DSCAM: variants seen among roughly 807,000 people sequenced by gnomAD.
The protein encoded by DSCAM is DS cell adhesion molecule.
A neutral mutation model predicts 217.7 loss-of-function variants in DSCAM; 47 were observed. That is an observed-to-expected ratio of 0.22 (90% CI 0.17 to 0.28). The LOEUF (loss-of-function observed/expected upper bound fraction) is 0.28. DSCAM is among the 10% of genes least tolerant of loss of function. DSCAM has a pLI of 1.00. For synonymous variants in DSCAM, 1,056 were observed against 1,015.3 expected (o/e 1.04, Z -0.76); for missense variants, 2,080 against 2,618.3 (o/e 0.79, Z 4.49).
At chr21:40,507,227 A>C (rs893949127) in intron 3 of DSCAM, among the ~76,000 whole-genome samples, 6 of 152,140 alleles carry the variant, frequency 3.9e-5, no homozygotes, top group Non-Finnish European at 8.8e-5. Context: ...CAGTGAGCCG[A>C]GATCACGTCA....
At chr21:40,073,289 T>C (rs2089321821) in intron 27 of DSCAM, among the ~76,000 whole-genome samples, 1 of 152,144 alleles carries the variant, frequency 6.6e-6, no homozygotes, top group Admixed American at 6.5e-5. Flanking sequence ...ACCTAGATGC[T>C]TAACTCTTGT....
chr21:40,330,512 T>G (rs1185637308), intron 8 of DSCAM, among the ~76,000 whole-genome samples: 2 of 151,578 alleles, frequency 1.3e-5, no homozygotes, highest in Non-Finnish European at 2.9e-5. Context: ...ATAAAACACT[T>G]AATAAAATGC....
chr21:40,068,091 G>A lies in DSCAM; in HGVS notation c.4889-5192C>T, dbSNP rs147501698. 3.2e-4 allele frequency among the ~76,000 whole-genome samples: 48 copies of A among 152,140 alleles called. No individual in the cohort carries two copies. In the East Asian group the frequency reaches 9.3e-3, roughly 29 times the overall value. Reference sequence around the variant, plus strand: ...GGGCTCCTCCCTTATCTGTTGGGCTGGGAAATGATGGAGAAATGATACCAG... The same window carrying A: ...GGGCTCCTCCCTTATCTGTTGGGCTAGGAAATGATGGAGAAATGATACCAG... On this transcript the variant is annotated intron_variant, in intron 27 of 32. Transcript: ENST00000400454.
At chr21:40,262,352 C>A (rs60064499) in intron 11 of DSCAM, among the ~76,000 whole-genome samples, 14,229 of 151,996 alleles carry the variant, frequency 0.094, 1,593 homozygotes, top group African/African-American at 0.25. Context: ...CAGCAAAAAG[C>A]CTCTGCAGAG....
At chr21:40,562,415 T>C (rs1235403282) in intron 3 of DSCAM, among the ~76,000 whole-genome samples, 1 of 152,222 alleles carries the variant, frequency 6.6e-6, no homozygotes, top group Non-Finnish European at 1.5e-5. Context: ...TGTGAGCTAA[T>C]TAACCTCTTT....
intron 32 of DSCAM, among the ~76,000 whole-genome samples, chr21:40,020,407 G>A (rs1057060133): frequency 3.3e-5 from 5 of 151,870 alleles, no homozygotes; most frequent in Admixed American, 6.6e-5. Context: ...TTCTATCCAC[G>A]AAATCAAAGG....
chr21:40,402,009 C>T (rs898612351), intron 3 of DSCAM, among the ~76,000 whole-genome samples: 1 of 128,308 alleles, frequency 7.8e-6, no homozygotes, highest in African/African-American at 2.8e-5. Context: ...TTTATGATTT[C>T]TAAATGGTCA....
At chr21:40,120,782 A>G (rs930638597) in intron 20 of DSCAM, among the ~76,000 whole-genome samples, 1 of 152,222 alleles carries the variant, frequency 6.6e-6, no homozygotes, top group African/African-American at 2.4e-5. Flanking sequence ...CTAACTTGTC[A>G]TCTGGCCACA....
intron 4 of DSCAM, among the ~76,000 whole-genome samples, chr21:40,366,783 C>G (rs2074837351): frequency 6.6e-6 from 1 of 152,228 alleles, no homozygotes; most frequent in African/African-American, 2.4e-5. Flanking sequence ...CCTTCAAGGA[C>G]TCGACATTTA....
intron 3 of DSCAM, among the ~76,000 whole-genome samples, chr21:40,454,572 G>A (rs571490764): frequency 2.0e-5 from 3 of 152,274 alleles, no homozygotes; most frequent in South Asian, 2.1e-4. Flanking sequence ...GAGTTCACAC[G>A]GGGAAGTGTT....
intron 1 of DSCAM, among the ~76,000 whole-genome samples, chr21:40,823,796 C>G (rs1161056755): frequency 1.3e-5 from 2 of 152,028 alleles, no homozygotes; most frequent in Non-Finnish European, 2.9e-5. Context: ...CAGGATGTGC[C>G]CTCTGATCCA....
At chr21:40,823,203 TTGTGTGTG>T (rs3988411) in intron 1 of DSCAM, among the ~76,000 whole-genome samples, 12 of 144,474 alleles carry the variant, frequency 8.3e-5, no homozygotes, top group South Asian at 2.3e-4. Context: ...CATACATACA[TTGTGTGTG>T]TGTGTGTGTG....
Position 40,031,342 on chromosome 21 carries a change from C to T in DSCAM, c.5686+11029G>A, listed in dbSNP as rs150327077. ...AAGAAGGCTGCCCAGGCTAACTGAA[C>T]GTTCACTGCATCTCAGACAGACCCG... On this transcript the variant is annotated intron_variant, in intron 32 of 32. Coordinates refer to ENST00000400454, the MANE Select transcript of DSCAM (RefSeq NM_001389.5). Among the ~76,000 whole-genome samples the T allele has an allele frequency of 3.6e-3, 544 of 152,238 alleles. 4 individuals carry two copies. The highest frequency in any genetic ancestry group is 0.012 in the African/African-American group (514 of 41,528).
At chr21:40,172,593 C>T (rs892992197) in intron 15 of DSCAM, among the ~76,000 whole-genome samples, 6 of 152,188 alleles carry the variant, frequency 3.9e-5, no homozygotes, top group African/African-American at 1.4e-4. Context: ...ACTCAAGCCT[C>T]GGTGCTCCAT....
chr21:40,466,051 A>G (rs573646543), intron 3 of DSCAM, among the ~76,000 whole-genome samples: 1 of 152,354 alleles, frequency 6.6e-6, no homozygotes, highest in East Asian at 1.9e-4. Flanking sequence ...GGAGTGCAAT[A>G]AAAATGGAAC....
intron 20 of DSCAM, among the ~76,000 whole-genome samples, chr21:40,105,523 C>T (rs1398908310): frequency 6.6e-6 from 1 of 152,178 alleles, no homozygotes; most frequent in African/African-American, 2.4e-5. Flanking sequence ...TTCTGCACTT[C>T]CTCTTGCTGC....
chr21:40,399,031 T>A (rs1255962954), intron 3 of DSCAM, among the ~76,000 whole-genome samples: 6 of 152,200 alleles, frequency 3.9e-5, no homozygotes, highest in Non-Finnish European at 1.5e-5. Flanking sequence ...AGCATTTTAG[T>A]AGGCTAAGGC....
chr21:40,808,914 G>A (rs956477726), intron 1 of DSCAM, among the ~76,000 whole-genome samples: 2 of 152,094 alleles, frequency 1.3e-5, no homozygotes, highest in Non-Finnish European at 2.9e-5. Flanking sequence ...TAACCCTCCT[G>A]GACCATCAGC....
intron 4 of DSCAM, among the ~76,000 whole-genome samples, chr21:40,364,142 T>C (rs945481406): frequency 2.6e-5 from 4 of 152,134 alleles, no homozygotes; most frequent in East Asian, 1.9e-4. Context: ...GATCGAGAAC[T>C]AGAAATACCA....
Sources: allele counts gnomAD v4.1 joint callset (sites outside exome capture counted in the v4.1 genomes callset), GRCh38; gene constraint gnomAD v4.1.1; transcripts MANE v1.5; gene names NCBI Gene and HGNC (gene_info 2026-07-23, HGNC 2026-07-21).